Variants in RTN1 observed in about 807,000 individuals in gnomAD.
RTN1 encodes reticulon-1.
A neutral mutation model predicts 65.5 loss-of-function variants in RTN1; 25 were observed. The ratio of observed to expected loss-of-function variants is 0.38; its 90% CI spans 0.28 to 0.53. The LOEUF (loss-of-function observed/expected upper bound fraction) is 0.53, where lower values mean the gene tolerates loss of function less well. Ranked by LOEUF, RTN1 falls within the 20% of genes least tolerant of loss-of-function variation. The pLI is 0.79. For synonymous variants in RTN1, 471 were observed against 447.6 expected, an observed-to-expected ratio of 1.05 and a Z score of -0.66; for missense variants, 983 against 1,025.4, an observed-to-expected ratio of 0.96 and a Z score of 0.57.
intron 1 of RTN1, among the ~76,000 whole-genome samples, chr14:59,845,069 C>T (rs1425561924): frequency 6.6e-6 from 1 of 152,116 alleles, no homozygotes. Context: ...AAAATTTAAT[C>T]ACTTTATAAA....
chr14:59,797,377 T>C (rs1594747208), intron 1 of RTN1, among the ~76,000 whole-genome samples: 1 of 152,184 alleles, frequency 6.6e-6, no homozygotes, highest in Admixed American at 6.5e-5. Flanking sequence ...AAGATCAGCT[T>C]TGAAAGGAGT....
At chr14:59,749,142 C>A (rs1333107077) in intron 1 of RTN1, among the ~76,000 whole-genome samples, 1 of 109,032 alleles carries the variant, frequency 9.2e-6, no homozygotes, top group Non-Finnish European at 1.7e-5. Flanking sequence ...CTATATCTAT[C>A]TATCTATCTA....
chr14:59,816,858 G>T lies in RTN1; in HGVS notation c.241+53532C>A, dbSNP rs954163107. On this transcript the variant is annotated intron_variant, in intron 1 of 8. Transcript: ENST00000267484. The surrounding 1 kb of genome is among the most constrained non-coding windows in gnomAD (Gnocchi z 4.3). ...TAAGGTGGGAGGATCACCTGAGCCTGAGAGGCGGAGGTTGCAGTGAGTCGA... is the reference window on the plus strand; with the variant it reads ...TAAGGTGGGAGGATCACCTGAGCCTTAGAGGCGGAGGTTGCAGTGAGTCGA... Among the ~76,000 whole-genome samples the T allele has an allele frequency of 1.3e-5, 2 of 152,192 alleles. No individual in the cohort carries two copies. The highest frequency in any genetic ancestry group is 4.8e-5 in the African/African-American group (2 of 41,450).
chr14:59,862,909 C>T (rs1213368599), intron 1 of RTN1, among the ~76,000 whole-genome samples: 1 of 152,152 alleles, frequency 6.6e-6, no homozygotes, highest in African/African-American at 2.4e-5. Context: ...GTTGACCCTG[C>T]TTCCTATTTC....
intron 1 of RTN1, among the ~76,000 whole-genome samples, chr14:59,755,892 G>A (rs1182231506): frequency 6.6e-6 from 1 of 152,146 alleles, no homozygotes; most frequent in African/African-American, 2.4e-5. Flanking sequence ...AAGAATATGA[G>A]TAACTACTCT....
intron 8 of RTN1, among the ~76,000 whole-genome samples, chr14:59,598,194 G>T (rs923950234): frequency 1.2e-4 from 18 of 152,154 alleles, no homozygotes; most frequent in Admixed American, 5.9e-4. Flanking sequence ...TGAAGAGAGG[G>T]GAACAGTCTC....
At chr14:59,788,135 T>C (rs75659585) in intron 1 of RTN1, among the ~76,000 whole-genome samples, 1,895 of 152,290 alleles carry the variant, frequency 0.012, 37 homozygotes, top group African/African-American at 0.042. Context: ...CAGTGGAAAT[T>C]TAACTTTTTT....
intron 1 of RTN1, among the ~76,000 whole-genome samples, chr14:59,788,039 C>T (rs186553815): frequency 2.0e-5 from 3 of 152,224 alleles, no homozygotes; most frequent in Admixed American, 1.3e-4. Context: ...TTCACATTTA[C>T]AATTATTGAT....
intron 3 of RTN1, among the ~76,000 whole-genome samples, chr14:59,620,315 T>G (rs1367610255): frequency 6.6e-6 from 1 of 151,948 alleles, no homozygotes; most frequent in Non-Finnish European, 1.5e-5. Context: ...TGAGACTAAG[T>G]AGATTAAGGG....
chr14:59,844,055 TG>T (rs1887361641), intron 1 of RTN1, among the ~76,000 whole-genome samples: 1 of 152,208 alleles, frequency 6.6e-6, no homozygotes, highest in African/African-American at 2.4e-5. Context: ...CCTGCCTCTT[TG>T]TGAGAATACA....
chr14:59,789,690 C>T (rs1886313327), intron 1 of RTN1, among the ~76,000 whole-genome samples: 2 of 151,996 alleles, frequency 1.3e-5, no homozygotes, highest in African/African-American at 4.8e-5. Flanking sequence ...CAATTCAGAA[C>T]TTCTACATCT....
In RTN1 at chr14:59,749,172, CTATCTATATATCTATCTATATA is replaced by C. The variant is rs1566710994; in HGVS notation, c.242-2713_242-2692del. On this transcript the variant is annotated intron_variant, in intron 1 of 8. Coordinates refer to ENST00000267484, the MANE Select transcript of RTN1 (RefSeq NM_021136.3). Reference sequence around the variant, plus strand: ...TATCTATCTATATCTATCTATATATCTATCTATATATCTATCTATATATATCTATATATATATCTATATATAT... The same window carrying C: ...TATCTATCTATATCTATCTATATATCTATCTATATATATATCTATATATAT... Among the ~76,000 whole-genome samples the C allele has an allele frequency of 6.1e-4, 37 of 60,992 alleles. 2 individuals carry two copies. Among genetic ancestry groups the C allele is most frequent in the African/African-American group, 4.5e-3 (36 of 8,042 alleles). 40.0% of individuals were successfully genotyped at this position (60,992 alleles called of 152,430 possible). A position where few individuals can be genotyped will look rare whatever the true frequency, so the allele number is the denominator to read the frequency against.
intron 2 of RTN1, among the ~76,000 whole-genome samples, chr14:59,729,148 C>T (rs991631024): frequency 4.6e-5 from 7 of 152,102 alleles, no homozygotes; most frequent in South Asian, 2.1e-4. Flanking sequence ...AGGAAAAGCA[C>T]GTCATGCAGA....
intron 3 of RTN1, among the ~76,000 whole-genome samples, chr14:59,696,467 A>C (rs1000975875): frequency 2.2e-5 from 2 of 91,252 alleles, no homozygotes; most frequent in African/African-American, 8.5e-5. Context: ...GATTTTAATT[A>C]CTTTTTTTTT....
At chr14:59,786,479 A>G (rs758866565) in intron 1 of RTN1, among the ~76,000 whole-genome samples, 20 of 152,162 alleles carry the variant, frequency 1.3e-4, no homozygotes, top group Non-Finnish European at 2.5e-4. Flanking sequence ...TACCTGCAAC[A>G]ATGCATGGCT....
rs1885432747 is a variant in RTN1 at position 59,750,174 on chromosome 14, TA to T, written c.242-3694del. Among the ~76,000 whole-genome samples, 4 of 72,692 alleles carry T rather than the reference TA, an allele frequency of 5.5e-5. No individual in the cohort carries two copies. The East Asian group carries it at 1.1e-3, about 20-fold the overall frequency. The allele number at this position is 72,692 out of a possible 152,430, so 47.7% of individuals were successfully genotyped here. The stretch of plus-strand genomic sequence containing the variant: ...TTATAGATAATATATATTATATCTA[TA>T]ATATATAATACATATATTATATCTA... On this transcript the variant is annotated intron_variant, in intron 1 of 8. Coordinates refer to ENST00000267484, the MANE Select transcript of RTN1 (RefSeq NM_021136.3).
intron 3 of RTN1, among the ~76,000 whole-genome samples, chr14:59,613,158 G>A (rs1045574320): frequency 6.6e-6 from 1 of 152,082 alleles, no homozygotes; most frequent in Non-Finnish European, 1.5e-5. Flanking sequence ...GGTTACCTTT[G>A]GTAAAGTTCA....
chr14:59,657,732 A>G (rs1194795619), intron 3 of RTN1, among the ~76,000 whole-genome samples: 1 of 152,174 alleles, frequency 6.6e-6, no homozygotes, highest in Admixed American at 6.5e-5. Context: ...CACTTTTCCC[A>G]TGGTCTTTGC....
intron 3 of RTN1, among the ~76,000 whole-genome samples, chr14:59,702,568 C>T (rs911403701): frequency 6.6e-6 from 1 of 152,110 alleles, no homozygotes; most frequent in African/African-American, 2.4e-5. Context: ...CTTCTCCTGC[C>T]CCACAGCCAG....
Sources: gnomAD v4.1 joint callset for allele counts (sites outside exome capture counted in the v4.1 genomes callset) on GRCh38, gnomAD v4.1.1 for gene constraint, Gnocchi (gnomAD v3.1) non-coding constraint, MANE v1.5 for transcripts, NCBI Gene and HGNC (gene_info 2026-07-23, HGNC 2026-07-21) for gene names.